Variants in KCNMB2 observed in about 807,000 individuals in gnomAD.
KCNMB2 encodes calcium-activated potassium channel subunit beta-2.
Under a neutral mutation model 24.5 loss-of-function variants are expected in KCNMB2, and 9 were observed. That is an observed-to-expected ratio of 0.37 (90% CI 0.22 to 0.64). The LOEUF (loss-of-function observed/expected upper bound fraction) is 0.64, where lower values mean the gene tolerates loss of function less well. KCNMB2 is among the 30% of genes least tolerant of loss of function. The pLI, the probability that KCNMB2 is intolerant of heterozygous loss-of-function variation, is 0.63. For synonymous variants in KCNMB2, 109 were observed against 104.4 expected (o/e 1.04, Z -0.27); for missense variants, 226 against 284.3 (o/e 0.79, Z 1.47).
intron 1 of KCNMB2, among the ~76,000 whole-genome samples, chr3:178,784,959 A>G (rs114102184): frequency 0.011 from 1,649 of 151,818 alleles, 32 homozygotes; most frequent in African/African-American, 0.038. Flanking sequence ...AATATCTCTG[A>G]CAAATGCTAA....
At chr3:178,634,055 T>A (rs931594913) in intron 1 of KCNMB2, among the ~76,000 whole-genome samples, 1 of 152,186 alleles carries the variant, frequency 6.6e-6, no homozygotes, top group African/African-American at 2.4e-5. Flanking sequence ...CATATCACTA[T>A]CACAATTCTG....
chr3:178,620,502 T>C (rs1172026842), intron 1 of KCNMB2, among the ~76,000 whole-genome samples: 1 of 152,228 alleles, frequency 6.6e-6, no homozygotes, highest in Non-Finnish European at 1.5e-5. Flanking sequence ...GCAGATTCAG[T>C]GTCTGGTGAG....
intron 1 of KCNMB2, among the ~76,000 whole-genome samples, chr3:178,689,309 C>A (rs904281343): frequency 2.6e-5 from 4 of 152,118 alleles, no homozygotes; most frequent in African/African-American, 9.6e-5. Flanking sequence ...AAGGGTGTTA[C>A]CAGCTAGAAC....
chr3:178,712,338 T>C (rs1195622713), intron 1 of KCNMB2, among the ~76,000 whole-genome samples: 4 of 152,230 alleles, frequency 2.6e-5, no homozygotes, highest in African/African-American at 4.8e-5. Flanking sequence ...CCCTGAAGAC[T>C]GTTCAGTTCA....
intron 2 of KCNMB2, among the ~76,000 whole-genome samples, chr3:178,813,743 G>T (rs1462676904): frequency 1.3e-5 from 2 of 151,634 alleles, no homozygotes; most frequent in African/African-American, 4.8e-5. Context: ...GTGTAATTTT[G>T]GTCTGTTTAA....
At chr3:178,827,689 A>G (rs1714886835) in intron 3 of KCNMB2, among the ~76,000 whole-genome samples, 1 of 152,280 alleles carries the variant, frequency 6.6e-6, no homozygotes, top group Middle Eastern at 3.4e-3. Flanking sequence ...GCTGGACCAC[A>G]TGACCCTCCA....
chr3:178,609,948 T>C (rs1718422342), intron 1 of KCNMB2, among the ~76,000 whole-genome samples: 1 of 152,172 alleles, frequency 6.6e-6, no homozygotes, highest in Non-Finnish European at 1.5e-5. Flanking sequence ...TGGTTTGATT[T>C]TTCTGTATGG....
intron 1 of KCNMB2, among the ~76,000 whole-genome samples, chr3:178,682,175 A>T (rs578118471): frequency 2.6e-5 from 4 of 152,300 alleles, no homozygotes; most frequent in African/African-American, 9.6e-5. Flanking sequence ...TTATTTCAGT[A>T]GGTTAAGTAA....
chr3:178,783,498 G>A (rs1308512434), intron 1 of KCNMB2, among the ~76,000 whole-genome samples: 4 of 150,678 alleles, frequency 2.7e-5, no homozygotes, highest in Admixed American at 2.0e-4. Flanking sequence ...TCCTTGAAGA[G>A]GTCCTTCACA....
At chr3:178,749,524 C>T (rs1169006420) in intron 1 of KCNMB2, among the ~76,000 whole-genome samples, 2 of 152,170 alleles carry the variant, frequency 1.3e-5, no homozygotes, top group Non-Finnish European at 2.9e-5. Flanking sequence ...ATACCTATAT[C>T]ATAGTTGAGA....
intron 1 of KCNMB2, among the ~76,000 whole-genome samples, chr3:178,717,452 A>C (rs1160601177): frequency 1.3e-5 from 2 of 152,106 alleles, no homozygotes; most frequent in African/African-American, 2.4e-5. Context: ...CCTCCAGTTA[A>C]TGATGAAGCC....
chr3:178,584,061 T>C (rs1225159948), intron 1 of KCNMB2, among the ~76,000 whole-genome samples: 2 of 152,230 alleles, frequency 1.3e-5, no homozygotes, highest in Non-Finnish European at 2.9e-5. Context: ...CCAAGGGCAC[T>C]GGCAAAGGAG....
intron 1 of KCNMB2, among the ~76,000 whole-genome samples, chr3:178,756,257 CGT>C (rs889815366): frequency 2.0e-5 from 3 of 149,516 alleles, no homozygotes; most frequent in East Asian, 2.0e-4. Flanking sequence ...TGTGTGTATG[CGT>C]GTGTGTGTGT....
At chr3:178,667,762 C>A (rs1370207501) in intron 1 of KCNMB2, among the ~76,000 whole-genome samples, 2 of 152,042 alleles carry the variant, frequency 1.3e-5, no homozygotes, top group Non-Finnish European at 2.9e-5. Context: ...CTAATACAAC[C>A]CACCTCTCCC....
chr3:178,562,165 T>G (rs1019745832), intron 1 of KCNMB2, among the ~76,000 whole-genome samples: 2 of 152,256 alleles, frequency 1.3e-5, no homozygotes, highest in Non-Finnish European at 2.9e-5. Flanking sequence ...CATTAATGAA[T>G]GTGACCTTCC....
At chr3:178,708,756 A>T (rs1441896325) in intron 1 of KCNMB2, among the ~76,000 whole-genome samples, 1 of 152,154 alleles carries the variant, frequency 6.6e-6, no homozygotes, top group Non-Finnish European at 1.5e-5. Context: ...CCTTTTACAA[A>T]GAGGATATTG....
intron 1 of KCNMB2, among the ~76,000 whole-genome samples, chr3:178,611,819 C>A (rs1485314298): frequency 6.6e-6 from 1 of 152,032 alleles, no homozygotes; most frequent in Non-Finnish European, 1.5e-5. Flanking sequence ...TCTTGCTTTA[C>A]TAGTTCTTTA....
chr3:178,620,245 T>A lies in KCNMB2; in HGVS notation c.-68+83534T>A, dbSNP rs183338000. Among the ~76,000 whole-genome samples the A allele has an allele frequency of 6.2e-3, 551 of 88,564 alleles. 3 individuals carry two copies. The highest frequency in any genetic ancestry group is 0.039 in the African/African-American group (530 of 13,676). 58.1% of individuals were successfully genotyped at this position (88,564 alleles called of 152,430 possible). A position where few individuals can be genotyped will look rare whatever the true frequency, so the allele number is the denominator to read the frequency against. ...AAATTAAGTTCTCAATATTCATACA[T>A]ACAACTAGAAAAAAATGCCAAAATG... On this transcript the variant is annotated intron_variant, in intron 1 of 4. Transcript: ENST00000452583.
intron 4 of KCNMB2, among the ~76,000 whole-genome samples, chr3:178,838,896 G>T (rs1715329111): frequency 6.6e-6 from 1 of 152,078 alleles, no homozygotes; most frequent in African/African-American, 2.4e-5. Context: ...ACAGTAAGAC[G>T]TGAGTTTTAT....
Sources: gnomAD v4.1 joint callset for allele counts (sites outside exome capture counted in the v4.1 genomes callset) on GRCh38, gnomAD v4.1.1 for gene constraint, MANE v1.5 for transcripts, NCBI Gene and HGNC (gene_info 2026-07-23, HGNC 2026-07-21) for gene names.